Variants in SUPT3H observed in about 807,000 individuals in gnomAD.
The protein encoded by SUPT3H is transcription initiation protein SPT3 homolog.
Under a neutral mutation model 44.3 loss-of-function variants are expected in SUPT3H, and 44 were observed. The ratio of observed to expected loss-of-function variants is 0.99; its 90% CI spans 0.78 to 1.28. SUPT3H has a LOEUF of 1.28. Ranked by LOEUF, SUPT3H falls within the 50% of genes most tolerant of loss-of-function variation. The pLI, the probability that SUPT3H is intolerant of heterozygous loss-of-function variation, is 0.00. For missense variants in SUPT3H, 380 were observed against 387.1 expected (o/e 0.98, Z 0.15); for synonymous variants, 124 against 125.6 (o/e 0.99, Z 0.09).
At chr6:45,176,002 G>A (rs1229231211) in intron 2 of SUPT3H, among the ~76,000 whole-genome samples, 3 of 152,114 alleles carry the variant, frequency 2.0e-5, no homozygotes, top group Non-Finnish European at 4.4e-5. Flanking sequence ...TATCTCCCAA[G>A]CAATGACTCA....
At chr6:45,371,394 C>CTTTT (rs560509544) in intron 1 of SUPT3H, among the ~76,000 whole-genome samples, 1 of 138,888 alleles carries the variant, frequency 7.2e-6, no homozygotes, top group Non-Finnish European at 1.6e-5. Flanking sequence ...TATTAGCTCA[C>CTTTT]TTTTTTTTTT....
chr6:44,964,492 T>C (rs989432940), intron 6 of SUPT3H, among the ~76,000 whole-genome samples: 2 of 152,124 alleles, frequency 1.3e-5, no homozygotes, highest in Admixed American at 6.5e-5. Flanking sequence ...TAAGTGTTTC[T>C]AGAAATGAGA....
intron 2 of SUPT3H, among the ~76,000 whole-genome samples, chr6:45,277,316 G>C (rs903831871): frequency 6.6e-6 from 1 of 152,090 alleles, no homozygotes; most frequent in Non-Finnish European, 1.5e-5. Flanking sequence ...AAGAAAAGGA[G>C]GTTTAGATTA....
chr6:45,123,335 AT>A (rs1801941753), intron 2 of SUPT3H, among the ~76,000 whole-genome samples: 1 of 151,272 alleles, frequency 6.6e-6, no homozygotes, highest in African/African-American at 2.4e-5. Flanking sequence ...AAAATCATCA[AT>A]TTTTTTAAGT....
intron 2 of SUPT3H, among the ~76,000 whole-genome samples, chr6:45,251,375 A>C (rs1199885312): frequency 6.8e-6 from 1 of 147,460 alleles, no homozygotes; most frequent in African/African-American, 2.6e-5. Context: ...ACTTATTCTA[A>C]ATGACTAAGA....
intron 2 of SUPT3H, among the ~76,000 whole-genome samples, chr6:45,124,400 T>C (rs924105771): frequency 6.6e-6 from 1 of 152,052 alleles, no homozygotes; most frequent in Non-Finnish European, 1.5e-5. Context: ...TCCCAGCACT[T>C]TGGGAGGCCG....
intron 3 of SUPT3H, among the ~76,000 whole-genome samples, chr6:45,073,422 A>C (rs1794641491): frequency 6.6e-6 from 1 of 152,056 alleles, no homozygotes; most frequent in African/African-American, 2.4e-5. Context: ...AAATACAAAA[A>C]AAAGCTTAAT....
At chr6:45,227,589 A>C (rs1767171561) in intron 2 of SUPT3H, among the ~76,000 whole-genome samples, 1 of 152,224 alleles carries the variant, frequency 6.6e-6, no homozygotes, top group African/African-American at 2.4e-5. Context: ...TTTATGTTTC[A>C]GATTAGGAAC....
chr6:44,983,751 C>A (rs1268962319), intron 6 of SUPT3H, among the ~76,000 whole-genome samples: 1 of 151,930 alleles, frequency 6.6e-6, no homozygotes, highest in Non-Finnish European at 1.5e-5. Context: ...ATTCAAAGAA[C>A]CGTTTTTATT....
Position 44,827,438 on chromosome 6 carries a change from C to T in SUPT3H, c.*2378G>A, listed in dbSNP as rs1289212560. Among the ~76,000 whole-genome samples, 1 of 152,046 alleles carries T rather than the reference C, an allele frequency of 6.6e-6. No homozygotes were observed. The highest frequency in any genetic ancestry group is 1.5e-5 in the Non-Finnish European group (1 of 67,964). ...GACTGAAAATTAGGGACCATCGATT[C>T]TCATCTCTGGTCTGTCACTACATTA... On this transcript the variant is annotated 3_prime_UTR_variant, in exon 11 of 11. Transcript: ENST00000371459.
chr6:44,813,306 CT>C (rs757723066), intron 11 of SUPT3H, among the ~76,000 whole-genome samples: 1 of 152,256 alleles, frequency 6.6e-6, no homozygotes, highest in South Asian at 2.1e-4. Flanking sequence ...CTGCCTCAGC[CT>C]TCTGAGTGGC....
chr6:44,841,017 ATC>A (rs572175409), intron 10 of SUPT3H, among the ~76,000 whole-genome samples: 8 of 152,208 alleles, frequency 5.3e-5, no homozygotes, highest in Non-Finnish European at 1.0e-4. Flanking sequence ...TGAAAGTATT[ATC>A]TCTCTGTCTG....
intron 7 of SUPT3H, 75 bp downstream of exon 7, chr6:44,961,678 T>A: frequency 8.5e-7 from 1 of 1,178,534 alleles, no homozygotes; most frequent in Non-Finnish European, 1.2e-6. Flanking sequence ...AAGAAACAGA[T>A]CCTGTCATAC....
At chr6:45,091,575 C>T (rs1797123698) in intron 3 of SUPT3H, among the ~76,000 whole-genome samples, 1 of 151,938 alleles carries the variant, frequency 6.6e-6, no homozygotes, top group Non-Finnish European at 1.5e-5. Flanking sequence ...TGACTGTGGG[C>T]AAGTTGCTTA....
At chr6:44,907,399 G>A (rs1260322001) in intron 10 of SUPT3H, among the ~76,000 whole-genome samples, 2 of 152,090 alleles carry the variant, frequency 1.3e-5, no homozygotes, top group East Asian at 1.9e-4. Flanking sequence ...AGCAGTGGCC[G>A]GGCATGGTAA....
chr6:45,352,431 A>C (rs1792265200), intron 2 of SUPT3H, among the ~76,000 whole-genome samples: 1 of 152,174 alleles, frequency 6.6e-6, no homozygotes, highest in Non-Finnish European at 1.5e-5. Context: ...ACTGTTGTAG[A>C]CTGGAAGCAA....
chr6:44,923,211 T>C (rs902216594), intron 10 of SUPT3H, among the ~76,000 whole-genome samples: 2 of 152,130 alleles, frequency 1.3e-5, no homozygotes, highest in African/African-American at 4.8e-5. Context: ...GACTTTGAAA[T>C]ATATAAACTT....
At chr6:45,350,364 C>T (rs945068644) in intron 2 of SUPT3H, among the ~76,000 whole-genome samples, 4 of 152,138 alleles carry the variant, frequency 2.6e-5, no homozygotes, top group African/African-American at 9.7e-5. Flanking sequence ...TTCAAGTACA[C>T]AATAAAATAC....
intron 2 of SUPT3H, among the ~76,000 whole-genome samples, chr6:45,109,426 T>TA (rs1242388632): frequency 3.9e-5 from 6 of 152,092 alleles, no homozygotes; most frequent in South Asian, 2.1e-4. Context: ...ACATCTATAG[T>TA]AAAAAAATTA....
Sources: allele counts gnomAD v4.1 joint callset (sites outside exome capture counted in the v4.1 genomes callset), GRCh38; gene constraint gnomAD v4.1.1; transcripts MANE v1.5; gene names NCBI Gene and HGNC (gene_info 2026-07-23, HGNC 2026-07-21).